The following LRRC37A2 variants were observed in gnomAD, a reference collection of about 807,000 sequenced individuals.
LRRC37A2 encodes the protein leucine rich repeat containing 37 member A2, also known as leucine-rich repeat-containing protein 37A2.
A neutral mutation model predicts 68.8 loss-of-function variants in LRRC37A2; 9 were observed. The ratio of observed to expected loss-of-function variants is 0.13; its 90% confidence interval spans 0.08 to 0.23. The LOEUF (loss-of-function observed/expected upper bound fraction) is 0.23. LRRC37A2 is among the 10% of genes least tolerant of loss of function. The pLI, the probability that LRRC37A2 is intolerant of heterozygous loss-of-function variation, is 1.00. For synonymous variants in LRRC37A2, 63 were observed against 367.6 expected, an observed-to-expected ratio of 0.17 and a Z score of 9.48; for missense variants, 168 against 950.4, an observed-to-expected ratio of 0.18 and a Z score of 10.82.
the LRRC37A2 span, among the ~76,000 whole-genome samples, chr17:46,907,874 C>T: frequency 2.6e-5 from 4 of 151,486 alleles, no homozygotes; most frequent in East Asian, 3.9e-4. Context: ...AAAGTGTGTG[C>T]GCTATTTTCT....
the LRRC37A2 span, among the ~76,000 whole-genome samples, chr17:46,918,464 C>T: frequency 1.3e-5 from 2 of 152,194 alleles, no homozygotes; most frequent in Non-Finnish European, 2.9e-5. Context: ...AGATACAGTC[C>T]TGTCAACGTG....
chr17:46,722,556 C>T, the LRRC37A2 span, among the ~76,000 whole-genome samples: 1 of 152,298 alleles, frequency 6.6e-6, no homozygotes, highest in East Asian at 1.9e-4. Context: ...TTGGATTTTC[C>T]TGTGGCAGCT....
At chr17:47,008,281 T>C in the LRRC37A2 span, among the ~76,000 whole-genome samples, 1 of 151,552 alleles carries the variant, frequency 6.6e-6, no homozygotes, top group Non-Finnish European at 1.5e-5. Flanking sequence ...CGGCTAACTT[T>C]TTGTATTTTT....
chr17:46,548,751 A>C, exon 10 of LRRC37A2: 1 of 1,610,834 alleles, frequency 6.2e-7, no homozygotes, highest in Non-Finnish European at 8.5e-7. Context: ...CCGAAGAAAA[A>C]AGGCTCGGGA....
the LRRC37A2 span, among the ~76,000 whole-genome samples, chr17:46,966,080 G>A: frequency 5.3e-5 from 8 of 152,084 alleles, no homozygotes; most frequent in Admixed American, 3.3e-4. Context: ...TATGTCTAAC[G>A]ATGGATCATT....
the LRRC37A2 span, among the ~76,000 whole-genome samples, chr17:46,865,894 G>A: frequency 4.9e-4 from 75 of 152,190 alleles, 1 homozygote; most frequent in Admixed American, 1.3e-4. Flanking sequence ...CTACAGGTGC[G>A]CGCCACAATG....
At chr17:46,833,923 G>C in the LRRC37A2 span, among the ~76,000 whole-genome samples, 2 of 152,076 alleles carry the variant, frequency 1.3e-5, no homozygotes, top group Non-Finnish European at 2.9e-5. Context: ...CAGGTATCAA[G>C]AATGGCTCAT....
chr17:46,818,764 G>A, the LRRC37A2 span: 1 of 707,002 alleles, frequency 1.4e-6, no homozygotes, highest in Non-Finnish European at 2.5e-6. Flanking sequence ...CGGAGCAGCC[G>A]GGTTTGAGGA....
the LRRC37A2 span, among the ~76,000 whole-genome samples, chr17:46,839,924 CTTT>C: frequency 9.7e-6 from 1 of 102,868 alleles, no homozygotes; most frequent in South Asian, 3.1e-4. Flanking sequence ...TTCTTTCTTT[CTTT>C]CTTTCTTTCT....
chr17:46,454,338 C>T, the LRRC37A2 span, among the ~76,000 whole-genome samples: 2 of 82,270 alleles, frequency 2.4e-5, no homozygotes, highest in African/African-American at 9.7e-5. Context: ...TTCCTGAAGT[C>T]CATAGTAGGT....
chr17:47,048,064 T>TA, the LRRC37A2 span, among the ~76,000 whole-genome samples: 2 of 149,884 alleles, frequency 1.3e-5, no homozygotes, highest in East Asian at 1.9e-4. Flanking sequence ...TTTTTTTTTT[T>TA]ACCAATTATA....
At chr17:47,008,883 T>C in the LRRC37A2 span, among the ~76,000 whole-genome samples, 2 of 152,196 alleles carry the variant, frequency 1.3e-5, no homozygotes, top group Non-Finnish European at 2.9e-5. Flanking sequence ...ATTTGTACTT[T>C]GAATATGACT....
chr17:46,815,383 G>A, the LRRC37A2 span, among the ~76,000 whole-genome samples: 3 of 152,214 alleles, frequency 2.0e-5, no homozygotes. Context: ...GGTCTGAGCA[G>A]TGTGGACTCA....
the LRRC37A2 span, among the ~76,000 whole-genome samples, chr17:46,888,701 A>G: frequency 6.6e-6 from 1 of 152,166 alleles, no homozygotes; most frequent in Non-Finnish European, 1.5e-5. Context: ...TCACAGACCA[A>G]GAAATTTCCC....
At chr17:46,876,794 T>C in the LRRC37A2 span, 4 of 1,460,730 alleles carry the variant, frequency 2.7e-6, no homozygotes, top group South Asian at 5.7e-5. Flanking sequence ...GCCGGCCCTC[T>C]GGGCAGACTG....
At chr17:46,732,092 T>C in the LRRC37A2 span, among the ~76,000 whole-genome samples, 1 of 152,208 alleles carries the variant, frequency 6.6e-6, no homozygotes. Context: ...ATTGTAGAAA[T>C]GCATAGAGTG....
At chr17:46,598,634 T>C in the LRRC37A2 span, among the ~76,000 whole-genome samples, 1 of 152,082 alleles carries the variant, frequency 6.6e-6, no homozygotes, top group African/African-American at 2.4e-5. Flanking sequence ...GTAAAATTTG[T>C]CGAATCTAGT....
the LRRC37A2 span, chr17:46,931,869 C>G: frequency 3.9e-5 from 24 of 619,348 alleles, no homozygotes; most frequent in Non-Finnish European, 6.7e-5. Flanking sequence ...TGTGTGCTAC[C>G]ATCTCACTTT....
the LRRC37A2 span, among the ~76,000 whole-genome samples, chr17:46,758,078 A>G: frequency 1.3e-5 from 2 of 152,228 alleles, no homozygotes; most frequent in Non-Finnish European, 2.9e-5. Flanking sequence ...TTGCCACTCA[A>G]TTAGAATTAC....
Sources: gnomAD v4.1 joint callset for allele counts (sites outside exome capture counted in the v4.1 genomes callset) on GRCh38, gnomAD v4.1.1 for gene constraint, MANE v1.5 for transcripts, NCBI Gene and HGNC (gene_info 2026-07-23, HGNC 2026-07-21) for gene names.